Variants in SGCD observed in about 807,000 individuals in gnomAD.
SGCD encodes sarcoglycan delta, also known as delta-sarcoglycan.
A neutral mutation model predicts 36.6 loss-of-function variants in SGCD; 18 were observed. The observed-to-expected ratio is 0.49, with a 90% CI of 0.34 to 0.73. The LOEUF is 0.73. Ranked by LOEUF, SGCD falls within the 30% of genes least tolerant of loss-of-function variation. SGCD has a pLI of 0.01. For synonymous variants in SGCD, 133 were observed against 130.6 expected, an observed-to-expected ratio of 1.02 and a Z score of -0.12; for missense variants, 387 against 346.7, an observed-to-expected ratio of 1.12 and a Z score of -0.92.
chr5:156,230,441 G>T (rs1764987585), intron 3 of SGCD, among the ~76,000 whole-genome samples: 1 of 152,140 alleles, frequency 6.6e-6, no homozygotes, highest in African/African-American at 2.4e-5. Context: ...TGTAGTGATT[G>T]TTATCTCTCT....
chr5:156,446,768 G>T (rs972687844), intron 3 of SGCD, among the ~76,000 whole-genome samples: 2 of 152,078 alleles, frequency 1.3e-5, no homozygotes, highest in Admixed American at 6.6e-5. Flanking sequence ...ATTTCATGAG[G>T]ATGAGATAAT....
At chr5:155,955,255 C>A (rs1757627603) in intron 1 of SGCD, among the ~76,000 whole-genome samples, 1 of 152,076 alleles carries the variant, frequency 6.6e-6, no homozygotes, top group South Asian at 2.1e-4. Context: ...ACAAAATTAA[C>A]CATGACACAC....
At chr5:155,809,393 C>T in the SGCD span, among the ~76,000 whole-genome samples, 3 of 152,200 alleles carry the variant, frequency 2.0e-5, no homozygotes, top group South Asian at 2.1e-4. Context: ...AGATGACCAA[C>T]GTTGTGGGTT....
the SGCD span, among the ~76,000 whole-genome samples, chr5:155,792,281 G>C: frequency 6.6e-6 from 1 of 151,806 alleles, no homozygotes; most frequent in African/African-American, 2.4e-5. Flanking sequence ...TTAAATGTAA[G>C]ACCTCAATAA....
At chr5:156,023,086 G>T (rs992606633) in intron 1 of SGCD, among the ~76,000 whole-genome samples, 1 of 152,148 alleles carries the variant, frequency 6.6e-6, no homozygotes, top group South Asian at 2.1e-4. Flanking sequence ...GTGATTCTTT[G>T]GTCAATCATT....
chr5:156,292,468 C>G (rs762654223), intron 3 of SGCD, among the ~76,000 whole-genome samples: 1 of 152,146 alleles, frequency 6.6e-6, no homozygotes, highest in Non-Finnish European at 1.5e-5. Flanking sequence ...AAGCTGAATA[C>G]TAATTCCATT....
chr5:156,752,878 C>T (rs973365994), intron 7 of SGCD, among the ~76,000 whole-genome samples: 3 of 152,202 alleles, frequency 2.0e-5, no homozygotes, highest in Non-Finnish European at 4.4e-5. Context: ...TCTCCATCGC[C>T]TCATTCACAT....
chr5:156,580,130 A>T (rs992858704), intron 4 of SGCD, among the ~76,000 whole-genome samples: 2 of 152,062 alleles, frequency 1.3e-5, no homozygotes, highest in African/African-American at 4.8e-5. Flanking sequence ...ATCTCTCAGT[A>T]TTTGCTTGTC....
chr5:156,560,136 C>T (rs1008304833), intron 4 of SGCD, among the ~76,000 whole-genome samples: 2 of 152,136 alleles, frequency 1.3e-5, no homozygotes, highest in African/African-American at 4.8e-5. Context: ...GTTTCATCAC[C>T]TTTGTTTTTT....
chr5:156,296,322 G>A (rs1366945688), intron 3 of SGCD, among the ~76,000 whole-genome samples: 1 of 152,118 alleles, frequency 6.6e-6, no homozygotes, highest in Non-Finnish European at 1.5e-5. Flanking sequence ...CGGTGTCAAA[G>A]GTGACCAATT....
intron 1 of SGCD, among the ~76,000 whole-genome samples, chr5:156,001,319 CTT>C (rs987037860): frequency 6.6e-6 from 1 of 152,148 alleles, no homozygotes; most frequent in African/African-American, 2.4e-5. Context: ...TTTGTCACTA[CTT>C]TTTGAGTCAA....
At chr5:155,989,683 A>T (rs1410955956) in intron 1 of SGCD, among the ~76,000 whole-genome samples, 1 of 152,204 alleles carries the variant, frequency 6.6e-6, no homozygotes, top group Non-Finnish European at 1.5e-5. Flanking sequence ...AATAAATAAT[A>T]TAGCTTTCAA....
At chr5:156,747,152 A>G (rs980741756) in intron 7 of SGCD, among the ~76,000 whole-genome samples, 5 of 152,208 alleles carry the variant, frequency 3.3e-5, no homozygotes, top group Admixed American at 1.3e-4. Flanking sequence ...ATCATAATAA[A>G]GTACTATTAT....
intron 3 of SGCD, among the ~76,000 whole-genome samples, chr5:156,162,325 C>T (rs187068314): frequency 6.6e-6 from 1 of 151,570 alleles, no homozygotes; most frequent in Admixed American, 6.5e-5. Context: ...CAGTGTTGCA[C>T]CTGAGTCTAG....
At chr5:156,086,607 A>G (rs897190445) in intron 1 of SGCD, among the ~76,000 whole-genome samples, 38 of 152,204 alleles carry the variant, frequency 2.5e-4, no homozygotes, top group African/African-American at 8.9e-4. Context: ...CAGGTTGTAA[A>G]TTAACTGCAG....
At chr5:156,351,461 A>G (rs967787063) in intron 3 of SGCD, among the ~76,000 whole-genome samples, 6 of 152,012 alleles carry the variant, frequency 3.9e-5, no homozygotes, top group South Asian at 4.2e-4. Flanking sequence ...AAGTTTCTCA[A>G]CCTCCCTGTG....
the SGCD span, among the ~76,000 whole-genome samples, chr5:155,841,176 C>T: frequency 3.3e-5 from 5 of 151,928 alleles, no homozygotes; most frequent in African/African-American, 1.2e-4. Context: ...GGGCACAATG[C>T]TGATTAATGG....
At chr5:156,410,946 A>G (rs1444724795) in intron 3 of SGCD, among the ~76,000 whole-genome samples, 1 of 152,142 alleles carries the variant, frequency 6.6e-6, no homozygotes, top group Non-Finnish European at 1.5e-5. Context: ...AGGATTTAAG[A>G]TTGTTACTGG....
At chr5:155,812,569 C>T in the SGCD span, among the ~76,000 whole-genome samples, 1 of 152,154 alleles carries the variant, frequency 6.6e-6, no homozygotes, top group Non-Finnish European at 1.5e-5. Flanking sequence ...CTGAATTCTG[C>T]CTTCAGCATG....
Sources: allele counts gnomAD v4.1 joint callset (sites outside exome capture counted in the v4.1 genomes callset), GRCh38; gene constraint gnomAD v4.1.1; transcripts MANE v1.5; gene names NCBI Gene and HGNC (gene_info 2026-07-23, HGNC 2026-07-21).